The following EML6 variants were observed in gnomAD, a reference collection of about 807,000 sequenced individuals.
EML6 encodes the protein echinoderm microtubule-associated protein-like 6.
In EML6, 154 loss-of-function variants were observed where a neutral mutation model predicts 240.1. The observed-to-expected ratio is 0.64, with a 90% CI of 0.56 to 0.73. The LOEUF is 0.73. EML6 is among the 30% of genes least tolerant of loss of function. EML6 has a pLI of 0.00. For missense variants in EML6, 2,964 were observed against 2,474.6 expected (o/e 1.20, Z -4.20); for synonymous variants, 1,148 against 899.0 (o/e 1.28, Z -4.95).
chr2:54,948,374 G>C (rs1027786196), intron 28 of EML6, among the ~76,000 whole-genome samples: 120 of 152,166 alleles, frequency 7.9e-4, no homozygotes, highest in African/African-American at 2.8e-3. Context: ...GGCCGACCTA[G>C]GCACTTGGCC....
intron 8 of EML6, 132 bp from the exon 9 acceptor site, chr2:54,847,354 A>G (rs1164971042): frequency 1.2e-6 from 1 of 853,850 alleles, no homozygotes; most frequent in Non-Finnish European, 1.7e-6. Flanking sequence ...GCCATGATAA[A>G]GGGCTCTGGT....
chr2:54,936,836 G>A (rs1259849981), intron 28 of EML6, among the ~76,000 whole-genome samples: 1 of 152,122 alleles, frequency 6.6e-6, no homozygotes, highest in Non-Finnish European at 1.5e-5. Flanking sequence ...TCTTACCTGA[G>A]AAGCTGCATA....
chr2:54,884,713 C>A (rs1462770158), intron 17 of EML6, among the ~76,000 whole-genome samples: 1 of 152,154 alleles, frequency 6.6e-6, no homozygotes. Context: ...AAAAAGTTCT[C>A]ACAAAAAAGA....
chr2:54,830,795 A>G (rs964798649), intron 7 of EML6, among the ~76,000 whole-genome samples: 2 of 152,216 alleles, frequency 1.3e-5, no homozygotes, highest in Non-Finnish European at 2.9e-5. Flanking sequence ...CAGCTGCTTT[A>G]TGTATCTGTG....
chr2:54,898,167 C>T lies in EML6; in HGVS notation c.2983-1474C>T, dbSNP rs1183679420. On this transcript the variant is annotated intron_variant, in intron 21 of 41. Transcript: ENST00000356458. ...TATGATCAGCTTTGTGGGTGATCAGCAGCAAAGCAGGATCCTAAGCCCATT... is the reference window on the plus strand; with the variant it reads ...TATGATCAGCTTTGTGGGTGATCAGTAGCAAAGCAGGATCCTAAGCCCATT... 5.9e-5 allele frequency among the ~76,000 whole-genome samples: 9 copies of T among 152,174 alleles called. No homozygotes were observed. In the South Asian group the frequency reaches 1.5e-3, roughly 25 times the overall value.
At chr2:54,830,315 A>G (rs188895357) in intron 7 of EML6, among the ~76,000 whole-genome samples, 1 of 152,302 alleles carries the variant, frequency 6.6e-6, no homozygotes, top group Admixed American at 6.5e-5. Context: ...TTCACTCCCC[A>G]CAGGTGGGCC....
intron 2 of EML6, among the ~76,000 whole-genome samples, chr2:54,745,126 G>A (rs984488266): frequency 2.6e-5 from 4 of 152,178 alleles, no homozygotes; most frequent in African/African-American, 7.2e-5. Flanking sequence ...CGGGTATGAG[G>A]TCTAGGAAGA....
At chr2:54,910,735 C>A (rs962724236) in intron 24 of EML6, among the ~76,000 whole-genome samples, 1 of 152,144 alleles carries the variant, frequency 6.6e-6, no homozygotes, top group African/African-American at 2.4e-5. Flanking sequence ...TGTTGAAGAT[C>A]AAATATTATG....
At position 54,850,189 on chromosome 2, in the gene EML6, C is replaced by G; in HGVS notation, c.1415C>G (p.Ala472Gly). ...AAATACTTACAAACTAATGACGGTG[C>G]AGGAGAACGATTGTTCTACAGAATG... Reference protein sequence around the residue: ...DSKYLQTNDGAGERLFYRMPS... With the variant: ...DSKYLQTNDGGGERLFYRMPS... Residue 472 changes from alanine (A) to glycine (G), a missense_variant, in exon 10 of 42, where the codon GCA (alanine) becomes GGA (glycine). Transcript: ENST00000356458. 6.4e-7 allele frequency: 1 copy of G among 1,551,632 alleles called. No individual in the cohort carries two copies. The highest frequency in any genetic ancestry group is 1.2e-5 in the South Asian group (1 of 84,054).
Position 54,895,361 on chromosome 2 carries a change from G to A in EML6, c.2943G>A (p.Leu981=). 1 of 1,551,978 alleles carries A rather than the reference G, an allele frequency of 6.4e-7. No homozygotes were observed. Among genetic ancestry groups the A allele is most frequent in the Non-Finnish European group, 8.7e-7 (1 of 1,146,960 alleles). Residue 981 remains leucine, a synonymous_variant, in exon 21 of 42, where the codon CTG becomes CTA. Coordinates refer to ENST00000356458, the MANE Select transcript of EML6 (RefSeq NM_001039753.4). Reference sequence around the variant, plus strand: ...TGGGAACAAAAAATGGAGAGATTCTGGAAATTGATAAGAGTGGCCCAATGA... The same window carrying A: ...TGGGAACAAAAAATGGAGAGATTCTAGAAATTGATAAGAGTGGCCCAATGA... ...ILVGTKNGEI[L]EIDKSGPMTL...
At chr2:54,812,003 G>T (rs1192853894) in intron 2 of EML6, among the ~76,000 whole-genome samples, 1 of 152,100 alleles carries the variant, frequency 6.6e-6, no homozygotes, top group Non-Finnish European at 1.5e-5. Flanking sequence ...TGTCCAACAT[G>T]GATTTAAAGT....
intron 5 of EML6, among the ~76,000 whole-genome samples, chr2:54,823,809 C>A (rs1487075362): frequency 6.8e-6 from 1 of 146,510 alleles, no homozygotes; most frequent in Non-Finnish European, 1.5e-5. Flanking sequence ...TCTGGGCAAC[C>A]ATTTAATCTC....
intron 2 of EML6, among the ~76,000 whole-genome samples, chr2:54,810,297 A>G (rs1667767839): frequency 6.6e-6 from 1 of 152,228 alleles, no homozygotes; most frequent in Non-Finnish European, 1.5e-5. Flanking sequence ...CCAGCATAAA[A>G]ATACTTTAAA....
intron 17 of EML6, among the ~76,000 whole-genome samples, chr2:54,888,130 G>T (rs1672253747): frequency 6.6e-6 from 1 of 152,224 alleles, no homozygotes; most frequent in Non-Finnish European, 1.5e-5. Context: ...GAGACAGGAG[G>T]CAGTGCTCAA....
In EML6 at chr2:54,876,976, C is replaced by CA. The variant is rs1169050761; in HGVS notation, c.2345-2562dup. 8.3e-5 allele frequency among the ~76,000 whole-genome samples: 12 copies of CA among 144,310 alleles called. No homozygotes were observed. In the South Asian group the frequency reaches 8.9e-4, roughly 11 times the overall value. The allele number at this position is 144,310 out of a possible 152,430, so 94.7% of individuals were successfully genotyped here. A position where few individuals can be genotyped will look rare whatever the true frequency, so the allele number is the denominator to read the frequency against. On this transcript the variant is annotated intron_variant, in intron 16 of 41. Transcript: ENST00000356458. ...TTGTACTCACTCTTGACTCATCATC[C>CA]AAAAAAAAATTTTTTTTTTTTTTTG...
chr2:54,848,881 T>G (rs1261376758), intron 9 of EML6, among the ~76,000 whole-genome samples: 2 of 152,250 alleles, frequency 1.3e-5, no homozygotes, highest in African/African-American at 4.8e-5. Flanking sequence ...CATCACAATT[T>G]AACATTTAAA....
intron 2 of EML6, among the ~76,000 whole-genome samples, chr2:54,812,239 C>T (rs1295225501): frequency 1.3e-5 from 2 of 151,510 alleles, no homozygotes; most frequent in Non-Finnish European, 2.9e-5. Flanking sequence ...GTCCAAAGAA[C>T]CAGAGATACT....
chr2:54,846,659 T>A (rs1290482452), intron 8 of EML6, among the ~76,000 whole-genome samples: 2 of 151,982 alleles, frequency 1.3e-5, no homozygotes, highest in Admixed American at 1.3e-4. Context: ...ATTTTTAAAA[T>A]CTTTTTTAGA....
chr2:54,740,704 C>G (rs1386403140), intron 2 of EML6, among the ~76,000 whole-genome samples: 1 of 143,198 alleles, frequency 7.0e-6, no homozygotes, highest in Non-Finnish European at 1.5e-5. Flanking sequence ...CTAGCAGACT[C>G]TAGCTCTTTT....
Sources: gnomAD v4.1 joint callset for allele counts (sites outside exome capture counted in the v4.1 genomes callset) on GRCh38, gnomAD v4.1.1 for gene constraint, MANE v1.5 for transcripts, NCBI Gene and HGNC (gene_info 2026-07-23, HGNC 2026-07-21) for gene names.